Variants in URB1 observed in about 807,000 individuals in gnomAD.
URB1 encodes URB1 ribosome biogenesis factor, also known as nucleolar pre-ribosomal-associated protein 1.
In URB1, 197 loss-of-function variants were observed where a neutral mutation model predicts 242.3. The ratio of observed to expected loss-of-function variants is 0.81; its 90% CI spans 0.72 to 0.91. The LOEUF is 0.91. URB1 is among the 40% of genes least tolerant of loss of function. URB1 has a pLI of 0.00. For missense variants in URB1, 2,721 were observed against 2,860.5 expected (o/e 0.95, Z 1.11); for synonymous variants, 1,153 against 1,201.8 (o/e 0.96, Z 0.84).
At chr21:32,317,208 G>T in intron 37 of URB1, 143 bp from the exon 38 acceptor site, 1 of 1,174,360 alleles carries the variant, frequency 8.5e-7, no homozygotes, top group South Asian at 1.7e-5. Context: ...TCAGGAGCCT[G>T]GTGAGTGCTC....
chr21:32,373,374 C>T (rs184310102), intron 7 of URB1, among the ~76,000 whole-genome samples: 1 of 151,828 alleles, frequency 6.6e-6, no homozygotes, highest in Admixed American at 6.6e-5. Flanking sequence ...GTCTAACAGG[C>T]AAGTGCTGCA....
In URB1 at chr21:32,320,656, A is replaced by G; in HGVS notation, c.5485-16T>C. On this transcript the variant is annotated splice_polypyrimidine_tract_variant and intron_variant, in intron 34 of 38. Transcript: ENST00000382751. ...GAATCCAATTCTGAAAACCCCAAAC[A>G]AGAAGTTACTCTTCAGTGAGAAAAC... 1 of 1,528,460 alleles carries G rather than the reference A, an allele frequency of 6.5e-7. No homozygotes were observed. The highest frequency in any genetic ancestry group is 8.9e-7 in the Non-Finnish European group (1 of 1,127,170). The allele number at this position is 1,528,460 out of a possible 1,614,324, so 94.7% of individuals were successfully genotyped here. A position where few individuals can be genotyped will look rare whatever the true frequency, so the allele number is the denominator to read the frequency against.
At chr21:32,373,301 G>C (rs940193745) in intron 7 of URB1, among the ~76,000 whole-genome samples, 2 of 152,084 alleles carry the variant, frequency 1.3e-5, no homozygotes, top group African/African-American at 4.8e-5. Flanking sequence ...GGACATGAAA[G>C]AATGGAAGGA....
intron 4 of URB1, among the ~76,000 whole-genome samples, chr21:32,382,106 G>A (rs2146052829): frequency 6.6e-6 from 1 of 152,268 alleles, no homozygotes; most frequent in South Asian, 2.1e-4. Context: ...CGGGCTTCAG[G>A]ACGGGAAGCC....
intron 7 of URB1, among the ~76,000 whole-genome samples, chr21:32,373,398 T>C (rs2033426188): frequency 6.6e-6 from 1 of 151,698 alleles, no homozygotes; most frequent in African/African-American, 2.4e-5. Context: ...AAAACTAAGA[T>C]ATGGCTCAGC....
At chr21:32,342,109 T>C (rs926332037) in intron 24 of URB1, among the ~76,000 whole-genome samples, 9 of 152,224 alleles carry the variant, frequency 5.9e-5, no homozygotes, top group African/African-American at 1.9e-4. Context: ...TCAGCATAAT[T>C]GTGTTTATCA....
chr21:32,373,772 C>A lies in URB1; in HGVS notation c.751G>T (p.Val251Leu), dbSNP rs754928098. 8.6e-6 allele frequency: 13 copies of A among 1,514,644 alleles called. No individual in the cohort carries two copies. Among genetic ancestry groups the A allele is most frequent in the East Asian group, 7.5e-5 (3 of 39,856 alleles). 93.8% of individuals were successfully genotyped at this position (1,514,644 alleles called of 1,614,324 possible). A position where few individuals can be genotyped will look rare whatever the true frequency, so the allele number is the denominator to read the frequency against. ...NILLSTLKTK[V>L]VHNKNITKTQ... ...TTTGTGATATTTTTATTGTGAACTA[C>A]CTGAAACAATAATAAAACAAATTAT... Residue 251 changes from valine to leucine, a missense_variant and splice_region_variant, in exon 7 of 39, where the codon GTA becomes TTA. Val to Leu is a conservative substitution (Grantham distance 32). Transcript: ENST00000382751.
intron 19 of URB1, among the ~76,000 whole-genome samples, chr21:32,351,743 A>T (rs1247635333): frequency 6.6e-6 from 1 of 152,208 alleles, no homozygotes; most frequent in Admixed American, 6.5e-5. Flanking sequence ...CACTCCAAGC[A>T]ACCACGAGGG....
At chr21:32,377,447 C>T in intron 5 of URB1, 1 of 371,282 alleles carries the variant, frequency 2.7e-6, no homozygotes, top group Non-Finnish European at 5.2e-6. Context: ...AAAGGCCAGA[C>T]AGCTGAAATG....
At chr21:32,349,610 CA>C in intron 20 of URB1, 127 bp from the exon 21 acceptor site, 1 of 929,306 alleles carries the variant, frequency 1.1e-6, no homozygotes, top group Non-Finnish European at 1.6e-6. Context: ...CAACTCCTCA[CA>C]GAGTGTGTGA....
At chr21:32,319,751 G>A (rs933034159) in intron 35 of URB1, among the ~76,000 whole-genome samples, 3 of 152,206 alleles carry the variant, frequency 2.0e-5, no homozygotes, top group African/African-American at 7.2e-5. Context: ...CAGTCTTGAA[G>A]TTGATGTCCA....
chr21:32,361,591 G>A (rs555669085), intron 12 of URB1, among the ~76,000 whole-genome samples: 3 of 150,462 alleles, frequency 2.0e-5, no homozygotes, highest in African/African-American at 7.3e-5. Context: ...CCAAGAGACA[G>A]CACCCCCATA....
chr21:32,373,909 A>T (rs1377603028), intron 6 of URB1, 137 bp from the exon 7 acceptor site: 1 of 816,950 alleles, frequency 1.2e-6, no homozygotes. Context: ...AATTTGGTTT[A>T]AAAAAAGGAA....
At chr21:32,358,900 C>T (rs2033254066) in intron 14 of URB1, among the ~76,000 whole-genome samples, 1 of 152,164 alleles carries the variant, frequency 6.6e-6, no homozygotes, top group Admixed American at 6.5e-5. Context: ...ACACACTGTG[C>T]CCAGCTGCCT....
chr21:32,348,287 A>T (rs933456072), intron 21 of URB1, among the ~76,000 whole-genome samples: 1 of 152,146 alleles, frequency 6.6e-6, no homozygotes, highest in Non-Finnish European at 1.5e-5. Flanking sequence ...AGGGGTGTCT[A>T]CTTACAGCTG....
At chr21:32,373,503 A>T in intron 7 of URB1, 144 bp downstream of exon 7, 1 of 900,358 alleles carries the variant, frequency 1.1e-6, no homozygotes, top group African/African-American at 1.8e-5. Context: ...GCAGAGGGTT[A>T]ATACAACCAT....
At chr21:32,364,566 C>T (rs1331625647) in intron 10 of URB1, among the ~76,000 whole-genome samples, 1 of 152,210 alleles carries the variant, frequency 6.6e-6, no homozygotes, top group Non-Finnish European at 1.5e-5. Flanking sequence ...ACTACAGGAA[C>T]TATCCTAAGC....
In URB1 at chr21:32,314,432, G is replaced by A. The variant is rs562418835; in HGVS notation, c.*486C>T. ...ACTCCTGACCTCAGGTGATTCACCC[G>A]CCTTGGCCTCCCAAAGTGCTGGGAT... On this transcript the variant is annotated 3_prime_UTR_variant, in exon 39 of 39. Transcript: ENST00000382751. 29 of 853,880 alleles carry A rather than the reference G, an allele frequency of 3.4e-5. 1 individual carries two copies. Among genetic ancestry groups the A allele is most frequent in the Admixed American group, 9.8e-5 (5 of 51,172 alleles). The allele number at this position is 853,880 out of a possible 1,614,324, so 52.9% of individuals were successfully genotyped here. A position where few individuals can be genotyped will look rare whatever the true frequency, so the allele number is the denominator to read the frequency against.
rs1288497288 is a variant in URB1, at chr21:32,366,621, T to C, written c.1332A>G (p.Leu444=). 6.4e-7 allele frequency: 1 copy of C among 1,551,408 alleles called. No homozygotes were observed. Among genetic ancestry groups the C allele is most frequent in the Admixed American group, 2.0e-5 (1 of 50,978 alleles). ...TGGGGCAACCACATGGCCTTACGTT[T>C]AATGCTTGGGTGAACATGCTCTTAT... ...VCNKSMFTQA[L]NLDSTSVRHT... Residue 444 remains leucine (L), a synonymous_variant, in exon 10 of 39, where the codon TTA becomes TTG. Coordinates refer to ENST00000382751, the MANE Select transcript of URB1 (RefSeq NM_014825.3).
Sources: allele counts gnomAD v4.1 joint callset (sites outside exome capture counted in the v4.1 genomes callset), GRCh38; gene constraint gnomAD v4.1.1; transcripts MANE v1.5; gene names NCBI Gene and HGNC (gene_info 2026-07-23, HGNC 2026-07-21).